CCSER1: variants seen among roughly 807,000 people sequenced by gnomAD.
The protein encoded by CCSER1 is coiled-coil serine rich protein 1, also known as serine-rich coiled-coil domain-containing protein 1.
A neutral mutation model predicts 82.0 loss-of-function variants in CCSER1; 41 were observed. The observed-to-expected ratio is 0.50, with a 90% CI of 0.39 to 0.65. The LOEUF is 0.65. Ranked by LOEUF, CCSER1 falls within the 30% of genes least tolerant of loss-of-function variation. The pLI is 0.00. For synonymous variants in CCSER1, 414 were observed against 383.9 expected, an observed-to-expected ratio of 1.08 and a Z score of -0.92; for missense variants, 1,119 against 1,064.2, an observed-to-expected ratio of 1.05 and a Z score of -0.72.
chr4:91,147,013 C>A (rs1442183448), intron 10 of CCSER1, among the ~76,000 whole-genome samples: 1 of 152,154 alleles, frequency 6.6e-6, no homozygotes, highest in Admixed American at 6.5e-5. Context: ...AGCCTCAAGG[C>A]AGGCTTTGGC....
In CCSER1 at chr4:90,845,297, G is replaced by A. The variant is rs1763080918; in HGVS notation, c.2094+29452G>A. The stretch of plus-strand genomic sequence containing the variant: ...AAATCGCTAGAACCTGGGAGGCAGA[G>A]GTTGCAGTGAACCTAGATGGTGCCA... On this transcript the variant is annotated intron_variant, in intron 8 of 10. Coordinates refer to ENST00000509176, the MANE Select transcript of CCSER1 (RefSeq NM_001145065.2). Among the ~76,000 whole-genome samples, 3 of 151,212 alleles carry A rather than the reference G, an allele frequency of 2.0e-5. No homozygotes were observed. The South Asian group carries it at 6.3e-4, about 32-fold the overall frequency.
chr4:91,411,520 A>G (rs1156840530), intron 10 of CCSER1, among the ~76,000 whole-genome samples: 1 of 119,424 alleles, frequency 8.4e-6, no homozygotes, highest in East Asian at 2.7e-4. Flanking sequence ...ATATATATAT[A>G]TATATAAAAT....
chr4:90,708,140 C>A (rs1382051880), intron 6 of CCSER1, among the ~76,000 whole-genome samples: 1 of 152,144 alleles, frequency 6.6e-6, no homozygotes, highest in Non-Finnish European at 1.5e-5. Context: ...GACCCAGAGG[C>A]TTTGCTGAGA....
chr4:91,521,232 G>A (rs1271508121), intron 10 of CCSER1, among the ~76,000 whole-genome samples: 1 of 152,176 alleles, frequency 6.6e-6, no homozygotes, highest in African/African-American at 2.4e-5. Flanking sequence ...TTTTATGGCT[G>A]CATAGTATTC....
Position 90,281,559 on chromosome 4 carries a change from T to C in CCSER1, c.-41-26685T>C, listed in dbSNP as rs1464201778. Among the ~76,000 whole-genome samples, 7 of 152,168 alleles carry C rather than the reference T, an allele frequency of 4.6e-5. No individual in the cohort carries two copies. In the East Asian group the frequency reaches 7.7e-4, roughly 17 times the overall value. On this transcript the variant is annotated intron_variant, in intron 1 of 10. Coordinates refer to ENST00000509176, the MANE Select transcript of CCSER1 (RefSeq NM_001145065.2). Reference sequence around the variant, plus strand: ...GAGTGTGGATTTGAGTTATATAGTTTCCCAGCCTGTCCAGGCCCAGGTGAC... The same window carrying C: ...GAGTGTGGATTTGAGTTATATAGTTCCCCAGCCTGTCCAGGCCCAGGTGAC...
intron 10 of CCSER1, among the ~76,000 whole-genome samples, chr4:91,310,945 G>A (rs1162948215): frequency 6.6e-6 from 1 of 151,798 alleles, no homozygotes; most frequent in African/African-American, 2.4e-5. Context: ...GAAACCAAAA[G>A]ATTGGATTCC....
intron 10 of CCSER1, among the ~76,000 whole-genome samples, chr4:91,486,605 GAA>G (rs1385372035): frequency 1.3e-5 from 2 of 151,752 alleles, no homozygotes; most frequent in Admixed American, 6.6e-5. Flanking sequence ...AAAGTATTTT[GAA>G]AAATAAAAAT....
chr4:90,552,270 G>A (rs1479671723), intron 5 of CCSER1, among the ~76,000 whole-genome samples: 2 of 152,142 alleles, frequency 1.3e-5, no homozygotes, highest in African/African-American at 4.8e-5. Context: ...GTTGATGATT[G>A]TTGAATGAAT....
Position 91,071,882 on chromosome 4 carries a change from TAG to T in CCSER1, c.2173-14065_2173-14064del, listed in dbSNP as rs372741601. 4.6e-3 allele frequency among the ~76,000 whole-genome samples: 696 copies of T among 152,342 alleles called. 7 individuals carry two copies. Among genetic ancestry groups the T allele is most frequent in the African/African-American group, 0.016 (648 of 41,592 alleles). On this transcript the variant is annotated intron_variant, in intron 9 of 10. Coordinates refer to ENST00000509176, the MANE Select transcript of CCSER1 (RefSeq NM_001145065.2). ...CAACATGCCTTTCACTGACAATATT[TAG>T]AGTTACTTGTTTTCTGAAAGGGTGT... is the stretch of plus-strand genomic sequence containing the variant.
chr4:91,214,560 A>G (rs940041466), intron 10 of CCSER1, among the ~76,000 whole-genome samples: 9 of 152,156 alleles, frequency 5.9e-5, no homozygotes, highest in African/African-American at 1.9e-4. Flanking sequence ...TACTTTCACT[A>G]GACTAGAAAC....
At chr4:91,017,462 G>A (rs1427772703) in intron 9 of CCSER1, among the ~76,000 whole-genome samples, 1 of 152,072 alleles carries the variant, frequency 6.6e-6, no homozygotes, top group Non-Finnish European at 1.5e-5. Context: ...CGTTATATAG[G>A]TAAACTCGTG....
intron 5 of CCSER1, among the ~76,000 whole-genome samples, chr4:90,559,197 A>G (rs949138594): frequency 6.6e-6 from 1 of 152,206 alleles, no homozygotes; most frequent in Non-Finnish European, 1.5e-5. Flanking sequence ...AATTAAATTG[A>G]GTGTTGTCCA....
chr4:91,225,808 A>G (rs1414639925), intron 10 of CCSER1, among the ~76,000 whole-genome samples: 1 of 151,814 alleles, frequency 6.6e-6, no homozygotes, highest in Non-Finnish European at 1.5e-5. Context: ...CTTACATTGC[A>G]TACTCAGAAA....
chr4:90,350,162 A>G (rs1743166347), intron 3 of CCSER1, among the ~76,000 whole-genome samples: 1 of 152,158 alleles, frequency 6.6e-6, no homozygotes, highest in Non-Finnish European at 1.5e-5. Flanking sequence ...AGGGATGACT[A>G]TAGGGTGATT....
intron 9 of CCSER1, among the ~76,000 whole-genome samples, chr4:90,927,388 A>G (rs897653825): frequency 1.3e-5 from 2 of 151,962 alleles, no homozygotes; most frequent in African/African-American, 4.8e-5. Context: ...AAGACTTCTG[A>G]TGTTATCAGG....
intron 10 of CCSER1, among the ~76,000 whole-genome samples, chr4:91,327,764 A>G (rs1199362280): frequency 5.3e-5 from 8 of 152,226 alleles, no homozygotes; most frequent in Non-Finnish European, 7.3e-5. Flanking sequence ...TCTGCAAATG[A>G]GCATAGGCTT....
intron 1 of CCSER1, among the ~76,000 whole-genome samples, chr4:90,189,219 G>A (rs951555503): frequency 4.3e-4 from 65 of 152,024 alleles, no homozygotes; most frequent in Non-Finnish European, 2.8e-4. Context: ...ATAGAAGCCC[G>A]TCAGACCAAG....
At chr4:91,160,213 A>G (rs538742524) in intron 10 of CCSER1, among the ~76,000 whole-genome samples, 1 of 152,286 alleles carries the variant, frequency 6.6e-6, no homozygotes, top group East Asian at 1.9e-4. Flanking sequence ...TGTCCCTACA[A>G]AGGACATGAA....
intron 10 of CCSER1, among the ~76,000 whole-genome samples, chr4:91,096,134 G>A (rs1174369495): frequency 6.6e-6 from 1 of 152,192 alleles, no homozygotes; most frequent in African/African-American, 2.4e-5. Context: ...CCTTTCCACT[G>A]TATGTCCATC....
Sources: allele counts gnomAD v4.1 joint callset (sites outside exome capture counted in the v4.1 genomes callset), GRCh38; gene constraint gnomAD v4.1.1; transcripts MANE v1.5; gene names NCBI Gene and HGNC (gene_info 2026-07-23, HGNC 2026-07-21).